Variants in SMYD3 observed in about 807,000 individuals in gnomAD.
SMYD3 encodes histone-lysine N-methyltransferase SMYD3.
Under a neutral mutation model 57.7 loss-of-function variants are expected in SMYD3, and 36 were observed. The ratio of observed to expected loss-of-function variants is 0.62; its 90% confidence interval spans 0.48 to 0.82. The LOEUF (loss-of-function observed/expected upper bound fraction) is 0.82. SMYD3 is among the 40% of genes least tolerant of loss of function. SMYD3 has a pLI of 0.00. For synonymous variants in SMYD3, 211 were observed against 195.0 expected, an observed-to-expected ratio of 1.08 and a Z score of -0.68; for missense variants, 515 against 538.8, an observed-to-expected ratio of 0.96 and a Z score of 0.44.
chr1:246,316,259 T>C (rs2065154064), intron 5 of SMYD3, among the ~76,000 whole-genome samples: 1 of 152,028 alleles, frequency 6.6e-6, no homozygotes. Context: ...TGATAGCACA[T>C]GTCTGTAGTC....
At chr1:245,857,898 C>G (rs2885547) in intron 10 of SMYD3, among the ~76,000 whole-genome samples, 131,948 of 152,170 alleles carry the variant, frequency 0.87, 57,981 homozygotes, top group Non-Finnish European at 0.91. Flanking sequence ...TACTGGTCTC[C>G]AGGAGCTGAG....
intron 5 of SMYD3, among the ~76,000 whole-genome samples, chr1:246,247,682 A>G (rs989642931): frequency 6.6e-6 from 1 of 151,976 alleles, no homozygotes; most frequent in Non-Finnish European, 1.5e-5. Flanking sequence ...CCCACACCTA[A>G]AAGAGGCCTT....
chr1:246,413,623 C>T (rs947715146), intron 1 of SMYD3, among the ~76,000 whole-genome samples: 1 of 151,932 alleles, frequency 6.6e-6, no homozygotes, highest in Admixed American at 6.6e-5. Flanking sequence ...TGATAAGATA[C>T]GCTCATTTCA....
chr1:246,015,971 T>C (rs1446908078), intron 5 of SMYD3, among the ~76,000 whole-genome samples: 1 of 152,102 alleles, frequency 6.6e-6, no homozygotes, highest in African/African-American at 2.4e-5. Flanking sequence ...TCTAAGGAAG[T>C]AGAGAGCATT....
intron 1 of SMYD3, among the ~76,000 whole-genome samples, chr1:246,435,683 G>A (rs767923302): frequency 7.9e-5 from 12 of 152,004 alleles, no homozygotes; most frequent in Non-Finnish European, 1.0e-4. Context: ...GAGTAATAGC[G>A]TTGAGACTCT....
chr1:245,913,890 T>C (rs1376222883), intron 8 of SMYD3, among the ~76,000 whole-genome samples: 2 of 151,888 alleles, frequency 1.3e-5, no homozygotes, highest in Non-Finnish European at 2.9e-5. Flanking sequence ...ATCAGGAAAA[T>C]GCAAATCAAA....
chr1:246,416,932 G>A (rs1246324199), intron 1 of SMYD3, among the ~76,000 whole-genome samples: 1 of 152,062 alleles, frequency 6.6e-6, no homozygotes, highest in Non-Finnish European at 1.5e-5. Flanking sequence ...AAATTACCAG[G>A]AAAGATTAAC....
intron 10 of SMYD3, among the ~76,000 whole-genome samples, chr1:245,803,570 C>T (rs902194371): frequency 5.9e-5 from 9 of 152,112 alleles, no homozygotes; most frequent in African/African-American, 1.9e-4. Flanking sequence ...AGAAGATGGA[C>T]GACAACTCAA....
chr1:246,448,728 A>AAAAAAAG (rs59949545), intron 1 of SMYD3, among the ~76,000 whole-genome samples: 1 of 148,248 alleles, frequency 6.7e-6, no homozygotes, highest in African/African-American at 2.5e-5. Context: ...AAAAAAAAAA[A>AAAAAAAG]GGACAAAATG....
chr1:246,172,675 C>T (rs1227986024), intron 5 of SMYD3, among the ~76,000 whole-genome samples: 2 of 146,950 alleles, frequency 1.4e-5, no homozygotes, highest in Non-Finnish European at 3.0e-5. Context: ...CAACACTACA[C>T]ACTTAGGCTA....
At chr1:246,038,765 T>G (rs969116293) in intron 5 of SMYD3, among the ~76,000 whole-genome samples, 11 of 152,208 alleles carry the variant, frequency 7.2e-5, no homozygotes, top group Admixed American at 3.3e-4. Context: ...CTCATTCTTC[T>G]GTTCCTGCAT....
chr1:246,459,717 T>C (rs762886511), intron 1 of SMYD3, among the ~76,000 whole-genome samples: 3 of 152,192 alleles, frequency 2.0e-5, no homozygotes, highest in Non-Finnish European at 4.4e-5. Context: ...AGGTATCTTA[T>C]CTGAAACCAG....
intron 5 of SMYD3, among the ~76,000 whole-genome samples, chr1:246,148,566 C>A (rs1035945461): frequency 1.3e-5 from 2 of 152,108 alleles, no homozygotes; most frequent in African/African-American, 4.8e-5. Flanking sequence ...AGGTTTCCGG[C>A]CAGAAAAGCG....
At chr1:246,042,583 C>A (rs535215082) in intron 5 of SMYD3, among the ~76,000 whole-genome samples, 7 of 152,310 alleles carry the variant, frequency 4.6e-5, no homozygotes, top group African/African-American at 1.4e-4. Context: ...ACAGGAACCT[C>A]CTATGATGTC....
chr1:246,330,401 A>T (rs1366891560), intron 4 of SMYD3, 79 bp downstream of exon 4: 13 of 1,127,710 alleles, frequency 1.2e-5, no homozygotes, highest in Non-Finnish European at 1.6e-5. Flanking sequence ...AGAAAAACAT[A>T]GTTAAAAATA....
chr1:246,202,288 C>T lies in SMYD3; in HGVS notation c.531+124913G>A, dbSNP rs539509416. On this transcript the variant is annotated intron_variant, in intron 5 of 11. Transcript: ENST00000490107. The surrounding 1 kb of genome is among the most constrained non-coding windows in gnomAD (Gnocchi z 4.1). ...CACTGCCTTAAAAATCCATTTTTCT[C>T]ATAAATAAATTTGAACACATTTGAT... Among the ~76,000 whole-genome samples, 1 of 152,128 alleles carries T rather than the reference C, an allele frequency of 6.6e-6. No homozygotes were observed. The highest frequency in any genetic ancestry group is 1.5e-5 in the Non-Finnish European group (1 of 68,024).
In SMYD3 at chr1:246,243,942, G is replaced by C. The variant is rs150180857; in HGVS notation, c.531+83259C>G. Among the ~76,000 whole-genome samples, 171 of 118,826 alleles carry C rather than the reference G, an allele frequency of 1.4e-3. 1 individual carries two copies. The highest frequency in any genetic ancestry group is 4.9e-3 in the African/African-American group (161 of 32,622). The allele number at this position is 118,826 out of a possible 152,430, so 78.0% of individuals were successfully genotyped here. On this transcript the variant is annotated intron_variant, in intron 5 of 11. Coordinates refer to ENST00000490107, the MANE Select transcript of SMYD3 (RefSeq NM_001167740.2). ...CAACCAATCTTTGTTGGGCATGGTG[G>C]CAAATGTCTATAGTCCCAGCTACTT...
At position 245,993,134 on chromosome 1, in the gene SMYD3, A is replaced by G. The variant is rs368312524; in HGVS notation, c.532-63197T>C. Among the ~76,000 whole-genome samples, 21 of 152,326 alleles carry G rather than the reference A, an allele frequency of 1.4e-4. 1 individual carries two copies. In the East Asian group the frequency reaches 2.9e-3, roughly 21 times the overall value. The stretch of plus-strand genomic sequence containing the variant: ...TTACTGGGTGTTCATCATGTTCCAG[A>G]TACTGTTTGAAGCGTTACACCCTTA... On this transcript the variant is annotated intron_variant, in intron 5 of 11. Coordinates refer to ENST00000490107, the MANE Select transcript of SMYD3 (RefSeq NM_001167740.2).
chr1:246,275,242 T>C (rs1452479603), intron 5 of SMYD3, among the ~76,000 whole-genome samples: 1 of 152,182 alleles, frequency 6.6e-6, no homozygotes, highest in Non-Finnish European at 1.5e-5. Context: ...GCTGTAACAA[T>C]AGACAAGACA....
Sources: gnomAD v4.1 joint callset for allele counts (sites outside exome capture counted in the v4.1 genomes callset) on GRCh38, gnomAD v4.1.1 for gene constraint, Gnocchi (gnomAD v3.1) non-coding constraint, MANE v1.5 for transcripts, NCBI Gene and HGNC (gene_info 2026-07-23, HGNC 2026-07-21) for gene names.